Variants in WDFY4 observed in about 807,000 individuals in gnomAD.
The protein encoded by WDFY4 is WD repeat- and FYVE domain-containing protein 4.
Under a neutral mutation model 351.9 loss-of-function variants are expected in WDFY4, and 169 were observed. That is an observed-to-expected ratio of 0.48 (90% CI 0.42 to 0.55). The LOEUF (loss-of-function observed/expected upper bound fraction) is 0.55, where lower values mean the gene tolerates loss of function less well. Ranked by LOEUF, WDFY4 falls within the 20% of genes least tolerant of loss-of-function variation. The pLI, the probability that WDFY4 is intolerant of heterozygous loss-of-function variation, is 0.00. For synonymous variants in WDFY4, 1,622 were observed against 1,574.6 expected, an observed-to-expected ratio of 1.03 and a Z score of -0.71; for missense variants, 3,803 against 3,935.6, an observed-to-expected ratio of 0.97 and a Z score of 0.90.
At chr10:48,921,241 G>A (rs945072771) in intron 47 of WDFY4, among the ~76,000 whole-genome samples, 21 of 151,946 alleles carry the variant, frequency 1.4e-4, no homozygotes, top group African/African-American at 5.1e-4. Flanking sequence ...TACAGCATGT[G>A]GTATTATTGG....
intron 24 of WDFY4, among the ~76,000 whole-genome samples, chr10:48,797,591 T>C (rs1253586764): frequency 6.9e-6 from 1 of 145,126 alleles, no homozygotes; most frequent in Non-Finnish European, 1.5e-5. Flanking sequence ...CATTTAAACA[T>C]TTTCATTACA....
chr10:48,801,078 C>T (rs2067073520), intron 24 of WDFY4, among the ~76,000 whole-genome samples: 1 of 152,164 alleles, frequency 6.6e-6, no homozygotes, highest in African/African-American at 2.4e-5. Flanking sequence ...TCTAAGAGTA[C>T]AGTCATCTCA....
chr10:48,954,736 T>C (rs1228529117), intron 51 of WDFY4, among the ~76,000 whole-genome samples: 1 of 152,236 alleles, frequency 6.6e-6, no homozygotes, highest in Non-Finnish European at 1.5e-5. Flanking sequence ...GGTGTTTTCT[T>C]TTGTATTGCA....
intron 40 of WDFY4, among the ~76,000 whole-genome samples, chr10:48,868,583 T>C (rs2069641206): frequency 6.6e-6 from 1 of 152,186 alleles, no homozygotes. Flanking sequence ...CAACATGGAT[T>C]GACAGATTTC....
intron 40 of WDFY4, among the ~76,000 whole-genome samples, chr10:48,873,027 C>T (rs557977370): frequency 6.6e-6 from 1 of 152,336 alleles, no homozygotes; most frequent in East Asian, 1.9e-4. Flanking sequence ...TCCCACTCCA[C>T]TCCAGTTCAG....
At chr10:48,904,469 G>A (rs541911848) in intron 47 of WDFY4, among the ~76,000 whole-genome samples, 1 of 152,150 alleles carries the variant, frequency 6.6e-6, no homozygotes, top group Non-Finnish European at 1.5e-5. Context: ...ATTCATGATA[G>A]CATCTACCTG....
intron 1 of WDFY4, among the ~76,000 whole-genome samples, chr10:48,697,468 C>T (rs1312796839): frequency 6.6e-6 from 1 of 152,204 alleles, no homozygotes; most frequent in Non-Finnish European, 1.5e-5. Flanking sequence ...GGAACCCGGC[C>T]TCCAAGGTGA....
At position 48,767,728 on chromosome 10, in the gene WDFY4, A is replaced by G. The variant is rs117529390; in HGVS notation, c.2554-6730A>G. Among the ~76,000 whole-genome samples, 126 of 152,340 alleles carry G rather than the reference A, an allele frequency of 8.3e-4. 2 individuals are homozygous for G. The East Asian group carries it at 0.021, about 26-fold the overall frequency. On this transcript the variant is annotated intron_variant, in intron 13 of 61. Transcript: ENST00000325239. The stretch of plus-strand genomic sequence containing the variant: ...CTGTGCCATGTCTGAATGCATGTCT[A>G]TGCTAGGTGGGGAAGGACAGAAGAG...
intron 47 of WDFY4, among the ~76,000 whole-genome samples, chr10:48,907,387 T>A (rs1388157570): frequency 6.6e-6 from 1 of 152,196 alleles, no homozygotes; most frequent in Non-Finnish European, 1.5e-5. Context: ...GTGCTTGTAT[T>A]CAGGGCCTGA....
rs529789539 is a variant in WDFY4 at position 48,961,272 on chromosome 10, G to T, written c.8223+1459G>T. Among the ~76,000 whole-genome samples the T allele has an allele frequency of 3.9e-5, 6 of 152,314 alleles. No individual in the cohort carries two copies. In the East Asian group the frequency reaches 7.7e-4, roughly 20 times the overall value. ...GGGCCAGAGATGAATGTAACTGCAG[G>T]CAGCAGCAGCCATAGTCTGATAAAA... On this transcript the variant is annotated intron_variant, in intron 53 of 61. Coordinates refer to ENST00000325239, the MANE Select transcript of WDFY4 (RefSeq NM_001394531.1).
chr10:48,807,986 G>T, intron 28 of WDFY4, 28 bp downstream of exon 28: 1 of 1,505,784 alleles, frequency 6.6e-7, no homozygotes, highest in Non-Finnish European at 8.9e-7. Flanking sequence ...GAGCAATTTG[G>T]CAGGAGGTTA....
chr10:48,718,966 AG>A (rs2063993430), intron 2 of WDFY4, among the ~76,000 whole-genome samples: 2 of 152,332 alleles, frequency 1.3e-5, no homozygotes, highest in East Asian at 3.9e-4. Context: ...GAAATACAGA[AG>A]GGGCAGATAA....
chr10:48,833,961 A>T (rs12778556), intron 39 of WDFY4, among the ~76,000 whole-genome samples: 2 of 152,148 alleles, frequency 1.3e-5, no homozygotes, highest in African/African-American at 4.8e-5. Flanking sequence ...AGCCGAGGAA[A>T]AGGCCTTTCT....
intron 25 of WDFY4, chr10:48,804,813 T>C: frequency 1.0e-6 from 1 of 981,714 alleles, no homozygotes; most frequent in Non-Finnish European, 1.2e-6. Flanking sequence ...TTTTTCTCCT[T>C]TGACTTTCAG....
At chr10:48,968,377 C>T (rs1345530833) in intron 55 of WDFY4, 1 of 152,462 alleles carries the variant, frequency 6.6e-6, no homozygotes. Context: ...GCCACAGTCC[C>T]TTCCCTATGG....
intron 39 of WDFY4, among the ~76,000 whole-genome samples, chr10:48,845,024 G>A (rs928050194): frequency 6.6e-6 from 1 of 152,178 alleles, no homozygotes; most frequent in Non-Finnish European, 1.5e-5. Flanking sequence ...CAACATCTGG[G>A]GGAGGAGAGC....
chr10:48,928,945 C>T (rs944975347), intron 47 of WDFY4, among the ~76,000 whole-genome samples: 6 of 152,146 alleles, frequency 3.9e-5, no homozygotes, highest in East Asian at 1.9e-4. Flanking sequence ...ATGAAGGTCC[C>T]GCTCACATTC....
chr10:48,758,022 C>G (rs2065387629), intron 12 of WDFY4, among the ~76,000 whole-genome samples: 2 of 152,008 alleles, frequency 1.3e-5, no homozygotes, highest in South Asian at 4.1e-4. Context: ...CAAATATTTA[C>G]CATTTCTGTT....
intron 2 of WDFY4, among the ~76,000 whole-genome samples, chr10:48,717,754 T>G (rs1197492094): frequency 6.6e-6 from 1 of 152,262 alleles, no homozygotes; most frequent in Non-Finnish European, 1.5e-5. Context: ...TTTTCAGTAC[T>G]ATATAGTATC....
Sources: gnomAD v4.1 joint callset for allele counts (sites outside exome capture counted in the v4.1 genomes callset) on GRCh38, gnomAD v4.1.1 for gene constraint, MANE v1.5 for transcripts, NCBI Gene and HGNC (gene_info 2026-07-23, HGNC 2026-07-21) for gene names.